ITPR1: variants seen among roughly 807,000 people sequenced by gnomAD.
The protein encoded by ITPR1 is inositol 1,4,5-trisphosphate receptor type 1.
ITPR1 carries 96 observed loss-of-function variants against 318.4 expected under a neutral mutation model. The observed-to-expected ratio is 0.30, with a 90% confidence interval of 0.26 to 0.36. The LOEUF is 0.36. Ranked by LOEUF, ITPR1 falls within the 10% of genes least tolerant of loss-of-function variation. The pLI is 1.00. For missense variants in ITPR1, 2,440 were observed against 3,460.2 expected, an observed-to-expected ratio of 0.71 and a Z score of 7.40; for synonymous variants, 1,312 against 1,289.9, an observed-to-expected ratio of 1.02 and a Z score of -0.37.
At chr3:4,590,413 A>G (rs980808096) in intron 4 of ITPR1, among the ~76,000 whole-genome samples, 3 of 151,638 alleles carry the variant, frequency 2.0e-5, no homozygotes, top group African/African-American at 7.3e-5. Context: ...TGACTGCATT[A>G]TGGTGTTTCT....
intron 4 of ITPR1, among the ~76,000 whole-genome samples, chr3:4,552,934 G>A (rs946924891): frequency 2.6e-5 from 4 of 152,200 alleles, no homozygotes; most frequent in African/African-American, 7.2e-5. Flanking sequence ...ATTTCACAAT[G>A]TGACAGTAAT....
At chr3:4,634,503 C>T (rs1486578480) in intron 5 of ITPR1, among the ~76,000 whole-genome samples, 2 of 152,038 alleles carry the variant, frequency 1.3e-5, no homozygotes, top group African/African-American at 2.4e-5. Flanking sequence ...TGAGCCATGG[C>T]ATGACTTTAA....
At chr3:4,562,477 G>A (rs1468542038) in intron 4 of ITPR1, among the ~76,000 whole-genome samples, 2 of 152,004 alleles carry the variant, frequency 1.3e-5, no homozygotes, top group East Asian at 3.8e-4. Context: ...GAAGCAGTTG[G>A]ACTAATTGTT....
In ITPR1 at chr3:4,702,969, T is replaced by A. The variant is rs2094686869; in HGVS notation, c.4657+19T>A. ...GATGTAGGTAAGATACCAAGTCAGT[T>A]TGGATATACGTGATGAAAATGAATT... On this transcript the variant is annotated intron_variant, in intron 36 of 61. Transcript: ENST00000649015. 6.2e-7 allele frequency: 1 copy of A among 1,611,908 alleles called. No individual in the cohort carries two copies.
intron 46 of ITPR1, among the ~76,000 whole-genome samples, chr3:4,771,372 C>T (rs932303610): frequency 2.6e-5 from 4 of 152,198 alleles, no homozygotes; most frequent in South Asian, 4.1e-4. Context: ...AGTAGAATCC[C>T]TCCATGAGTG....
At position 4,699,749 on chromosome 3, in the gene ITPR1, G is replaced by A. The variant is rs573523221; in HGVS notation, c.4408-64G>A. 104 of 1,548,452 alleles carry A rather than the reference G, an allele frequency of 6.7e-5. No homozygotes were observed. The Middle Eastern group carries it at 1.0e-3, about 15-fold the overall frequency. On this transcript the variant is annotated intron_variant, in intron 34 of 61. Coordinates refer to ENST00000649015, the MANE Select transcript of ITPR1 (RefSeq NM_001378452.1). ...TAAAAGTAACCCACAGGAGGGAGTCGCAGATTTCTTAATGTTTGGTGTAGG... is the reference window on the plus strand; with the variant it reads ...TAAAAGTAACCCACAGGAGGGAGTCACAGATTTCTTAATGTTTGGTGTAGG...
intron 44 of ITPR1, among the ~76,000 whole-genome samples, chr3:4,764,946 CTGGATGGA>C (rs61395050): frequency 0.42 from 61,473 of 147,432 alleles, 13,434 homozygotes; most frequent in East Asian, 0.82. Flanking sequence ...TAGTGGGTGG[CTGGATGGA>C]TGGATGGATG....
chr3:4,830,875 C>T (rs2050432688), intron 60 of ITPR1: 2 of 454,648 alleles, frequency 4.4e-6, no homozygotes, highest in African/African-American at 2.0e-5. Context: ...CTCAACGCCT[C>T]ATTCTCTGAT....
intron 39 of ITPR1, 109 bp from the exon 40 acceptor site, chr3:4,717,258 G>C (rs2041838269): frequency 1.1e-6 from 1 of 952,362 alleles, no homozygotes; most frequent in Non-Finnish European, 1.6e-6. Flanking sequence ...CATCTAGCAA[G>C]GCTTTAAGGA....
intron 12 of ITPR1, among the ~76,000 whole-genome samples, chr3:4,655,829 G>A (rs901244849): frequency 9.2e-5 from 14 of 152,190 alleles, no homozygotes; most frequent in African/African-American, 3.4e-4. Flanking sequence ...GAGGAGGGGT[G>A]CATGGAGAGG....
At chr3:4,687,867 G>C (rs908242734) in intron 30 of ITPR1, among the ~76,000 whole-genome samples, 2 of 152,138 alleles carry the variant, frequency 1.3e-5, no homozygotes, top group South Asian at 4.1e-4. Context: ...GTTACGGCAG[G>C]CACAGTTGCT....
intron 40 of ITPR1, 98 bp downstream of exon 40, chr3:4,717,497 G>A (rs969921090): frequency 2.8e-5 from 27 of 975,700 alleles, no homozygotes; most frequent in African/African-American, 1.8e-4. Flanking sequence ...GTCTCACAGC[G>A]TCGAGTATCT....
intron 4 of ITPR1, among the ~76,000 whole-genome samples, chr3:4,569,640 T>C (rs2087771628): frequency 6.6e-6 from 1 of 152,174 alleles, no homozygotes; most frequent in Non-Finnish European, 1.5e-5. Flanking sequence ...ATCTAAAAAC[T>C]GGGAAGCAAT....
At chr3:4,593,612 T>C (rs1373543205) in intron 4 of ITPR1, among the ~76,000 whole-genome samples, 1 of 152,144 alleles carries the variant, frequency 6.6e-6, no homozygotes, top group Non-Finnish European at 1.5e-5. Context: ...GCTAATGCCT[T>C]GGGAGAATAC....
chr3:4,698,457 C>T (rs2125257966), intron 34 of ITPR1, among the ~76,000 whole-genome samples: 1 of 152,112 alleles, frequency 6.6e-6, no homozygotes, highest in Non-Finnish European at 1.5e-5. Context: ...GGCAGGCCTG[C>T]TTTATTTGTT....
intron 4 of ITPR1, among the ~76,000 whole-genome samples, chr3:4,552,562 C>T (rs181307264): frequency 6.6e-6 from 1 of 152,332 alleles, no homozygotes; most frequent in Admixed American, 6.5e-5. Flanking sequence ...TTGGGGCCCA[C>T]TATCCTCCCA....
At chr3:4,740,799 G>A (rs76404484) in intron 44 of ITPR1, among the ~76,000 whole-genome samples, 14,278 of 152,222 alleles carry the variant, frequency 0.094, 861 homozygotes, top group Non-Finnish European at 0.13. Flanking sequence ...CAGTACCACA[G>A]CCCGTGGATT....
intron 32 of ITPR1, among the ~76,000 whole-genome samples, chr3:4,693,280 A>G (rs2125248957): frequency 6.6e-6 from 1 of 152,312 alleles, no homozygotes; most frequent in East Asian, 1.9e-4. Context: ...TTCTAGGGCC[A>G]GTGTGGTATT....
intron 4 of ITPR1, among the ~76,000 whole-genome samples, chr3:4,623,543 TC>T (rs2092715873): frequency 6.6e-6 from 1 of 152,154 alleles, no homozygotes; most frequent in Non-Finnish European, 1.5e-5. Flanking sequence ...GTGTTCTCCT[TC>T]CCCCAAATAA....
Sources: gnomAD v4.1 joint callset for allele counts (sites outside exome capture counted in the v4.1 genomes callset) on GRCh38, gnomAD v4.1.1 for gene constraint, MANE v1.5 for transcripts, NCBI Gene and HGNC (gene_info 2026-07-23, HGNC 2026-07-21) for gene names.